The following SLC4A10 variants were observed in gnomAD, a reference collection of about 807,000 sequenced individuals.
SLC4A10 encodes solute carrier family 4 member 10, also known as sodium-driven chloride bicarbonate exchanger.
In SLC4A10, 42 loss-of-function variants were observed where a neutral mutation model predicts 137.7. The ratio of observed to expected loss-of-function variants is 0.30; its 90% CI spans 0.24 to 0.39. The LOEUF (loss-of-function observed/expected upper bound fraction) is 0.39, where lower values mean the gene tolerates loss of function less well. SLC4A10 is among the 10% of genes least tolerant of loss of function. SLC4A10 has a pLI of 1.00. For synonymous variants in SLC4A10, 474 were observed against 464.1 expected (o/e 1.02, Z -0.27); for missense variants, 925 against 1,355.0 (o/e 0.68, Z 4.98).
intron 6 of SLC4A10, among the ~76,000 whole-genome samples, chr2:161,871,058 A>G (rs2061087138): frequency 6.6e-6 from 1 of 151,936 alleles, no homozygotes; most frequent in Non-Finnish European, 1.5e-5. Context: ...AATATTTGAA[A>G]GTAAATAATT....
intron 4 of SLC4A10, among the ~76,000 whole-genome samples, chr2:161,849,436 T>C (rs972865047): frequency 6.6e-6 from 1 of 152,138 alleles, no homozygotes; most frequent in Non-Finnish European, 1.5e-5. Flanking sequence ...CCAGGACTTA[T>C]GTTGAATAAG....
chr2:161,645,762 A>C (rs750292963), intron 1 of SLC4A10, among the ~76,000 whole-genome samples: 1 of 152,094 alleles, frequency 6.6e-6, no homozygotes, highest in African/African-American at 2.4e-5. Context: ...ATAGTAAAGT[A>C]ATTTTACATA....
At chr2:161,695,053 T>C (rs2042353937) in intron 1 of SLC4A10, among the ~76,000 whole-genome samples, 2 of 151,990 alleles carry the variant, frequency 1.3e-5, no homozygotes, top group African/African-American at 4.8e-5. Context: ...TATATGTAAA[T>C]ATGATGTAGT....
At chr2:161,778,944 G>A (rs1391914044) in intron 2 of SLC4A10, among the ~76,000 whole-genome samples, 1 of 151,916 alleles carries the variant, frequency 6.6e-6, no homozygotes, top group Non-Finnish European at 1.5e-5. Context: ...ACCTGTCTTA[G>A]TTTGTTTTGT....
At chr2:161,655,074 T>C (rs1178131453) in intron 1 of SLC4A10, among the ~76,000 whole-genome samples, 1 of 152,222 alleles carries the variant, frequency 6.6e-6, no homozygotes, top group Non-Finnish European at 1.5e-5. Context: ...TAAGTTTCAA[T>C]GTACAGGTCT....
chr2:161,699,347 G>A (rs982998747), intron 1 of SLC4A10, among the ~76,000 whole-genome samples: 6 of 152,032 alleles, frequency 3.9e-5, no homozygotes, highest in Admixed American at 1.3e-4. Context: ...TCTTGTTTGA[G>A]TCACCTTTGA....
intron 1 of SLC4A10, among the ~76,000 whole-genome samples, chr2:161,675,700 T>A (rs1363628791): frequency 6.6e-6 from 1 of 152,126 alleles, no homozygotes; most frequent in African/African-American, 2.4e-5. Context: ...ATGGACCTTT[T>A]TTTCTAATAT....
chr2:161,869,174 T>C (rs1177963843), intron 6 of SLC4A10, among the ~76,000 whole-genome samples: 2 of 151,670 alleles, frequency 1.3e-5, no homozygotes, highest in Non-Finnish European at 3.0e-5. Context: ...TAGGAAAATT[T>C]TTACTTCTGG....
At position 161,872,385 on chromosome 2, in the gene SLC4A10, G is replaced by A. The variant is rs752869470; in HGVS notation, c.858+1G>A. On this transcript the variant is annotated splice_donor_variant, in intron 7 of 26. Transcript: ENST00000446997. LOFTEE classifies it high-confidence loss of function. ...AAACAGCACTGTTGACTTTAGCAAG[G>A]TGAGCTTTTCTCCCTCTCATCTAAG... The A allele has an allele frequency of 1.2e-6, 2 of 1,611,992 alleles. No homozygotes were observed. The highest frequency in any genetic ancestry group is 8.5e-7 in the Non-Finnish European group (1 of 1,178,526).
chr2:161,922,336 TA>T (rs764919527), intron 15 of SLC4A10, among the ~76,000 whole-genome samples: 3 of 152,160 alleles, frequency 2.0e-5, no homozygotes, highest in Non-Finnish European at 4.4e-5. Context: ...ATATTATGGT[TA>T]TATACTTAGT....
At chr2:161,770,928 T>A in intron 1 of SLC4A10, 45 bp from the exon 2 acceptor site, 1 of 1,371,244 alleles carries the variant, frequency 7.3e-7, no homozygotes, top group East Asian at 2.4e-5. Flanking sequence ...GAAATTGAGA[T>A]AATATGTGTG....
chr2:161,663,346 ATCTTTT>A (rs569019600), intron 1 of SLC4A10, among the ~76,000 whole-genome samples: 104 of 152,284 alleles, frequency 6.8e-4, no homozygotes, highest in Non-Finnish European at 1.2e-3. Context: ...ACACTCTTTC[ATCTTTT>A]TCTTTGATGA....
intron 8 of SLC4A10, among the ~76,000 whole-genome samples, chr2:161,874,728 G>A (rs2061358501): frequency 6.6e-6 from 1 of 152,318 alleles, no homozygotes; most frequent in South Asian, 2.1e-4. Context: ...TGGAAAGAAT[G>A]TGGCTTTTGA....
chr2:161,972,193 G>T (rs1373147559), intron 23 of SLC4A10, among the ~76,000 whole-genome samples: 1 of 148,700 alleles, frequency 6.7e-6, no homozygotes, highest in African/African-American at 2.5e-5. Context: ...GAAAAGAATT[G>T]CATCTTTCTC....
intron 15 of SLC4A10, chr2:161,931,299 T>C (rs1690341651): frequency 6.6e-6 from 1 of 152,396 alleles, no homozygotes. Flanking sequence ...TAGCTTCTTT[T>C]GGGGACTTTC....
rs1041552821 is a variant in SLC4A10, at chr2:161,985,034, T to C, written c.*1882T>C. On this transcript the variant is annotated 3_prime_UTR_variant, in exon 27 of 27. Transcript: ENST00000446997. ...AGTCATTTTGTTCTTGTGTGAATTT[T>C]AAAGCTATCCCTATGTTAATCCTAA... 1 of 152,048 alleles carries C rather than the reference T, an allele frequency of 6.6e-6. No individual in the cohort carries two copies. The highest frequency in any genetic ancestry group is 1.5e-5 in the Non-Finnish European group (1 of 67,918). The allele number at this position is 152,048 out of a possible 1,614,324, so 9.4% of individuals were successfully genotyped here.
chr2:161,668,029 T>C (rs1285496636), intron 1 of SLC4A10, among the ~76,000 whole-genome samples: 1 of 151,848 alleles, frequency 6.6e-6, no homozygotes, highest in Non-Finnish European at 1.5e-5. Context: ...ATTATCATTA[T>C]ACATAGCAGC....
chr2:161,893,350 C>T (rs564172508), intron 10 of SLC4A10, among the ~76,000 whole-genome samples: 1 of 151,872 alleles, frequency 6.6e-6, no homozygotes, highest in East Asian at 1.9e-4. Context: ...ATATAGTTGG[C>T]CCTCTGTATC....
chr2:161,964,214 G>A lies in SLC4A10; in HGVS notation c.2942G>A (p.Arg981Gln), dbSNP rs748518515. 1.2e-5 allele frequency: 20 copies of A among 1,613,346 alleles called. No individual in the cohort carries two copies. Among genetic ancestry groups the A allele is most frequent in the Non-Finnish European group, 1.6e-5 (19 of 1,179,612 alleles). ...DFIYLRHVPL[R>Q]KVHLFTIIQM... is the part of the protein sequence containing the mutation. ...ATATACCTAAGGCACGTACCGCTTC[G>A]AAAAGTGCATCTCTTCACAATTATT... The change falls in exon 22 of 27, where the codon CGA becomes CAA. Residue 981 changes from arginine (R) to glutamine (Q), a missense_variant. By Grantham distance (43) the Arg-to-Gln change is conservative (BLOSUM62 1). Transcript: ENST00000446997.
Sources: allele counts gnomAD v4.1 joint callset (sites outside exome capture counted in the v4.1 genomes callset), GRCh38; gene constraint gnomAD v4.1.1; transcripts MANE v1.5; gene names NCBI Gene and HGNC (gene_info 2026-07-23, HGNC 2026-07-21).